Variants in DNAJC11 observed in about 807,000 individuals in gnomAD.
DNAJC11 encodes dnaJ homolog subfamily C member 11.
DNAJC11 carries 15 observed loss-of-function variants against 78.6 expected under a neutral mutation model. The ratio of observed to expected loss-of-function variants is 0.19; its 90% CI spans 0.13 to 0.29. DNAJC11 has a LOEUF of 0.29. Ranked by LOEUF, DNAJC11 falls within the 10% of genes least tolerant of loss-of-function variation. The pLI is 1.00. For synonymous variants in DNAJC11, 292 were observed against 272.1 expected (o/e 1.07, Z -0.72); for missense variants, 547 against 709.6 (o/e 0.77, Z 2.60).
intron 7 of DNAJC11, among the ~76,000 whole-genome samples, chr1:6,648,357 T>A (rs955039483): frequency 7.9e-5 from 12 of 152,206 alleles, no homozygotes; most frequent in Non-Finnish European, 1.5e-4. Flanking sequence ...GGTTTCACCA[T>A]GTTGGCCAGG....
intron 7 of DNAJC11, chr1:6,651,099 G>C (rs751609217): frequency 1.9e-6 from 1 of 535,118 alleles, no homozygotes; most frequent in Non-Finnish European, 3.8e-6. Flanking sequence ...CAGCAGCAGA[G>C]ACGACAGGAA....
chr1:6,685,780 T>A (rs1642647095), intron 1 of DNAJC11, among the ~76,000 whole-genome samples: 2 of 152,242 alleles, frequency 1.3e-5, no homozygotes, highest in Non-Finnish European at 2.9e-5. Context: ...TTCATTGGAG[T>A]AAAATCTCTT....
At chr1:6,640,693 G>T (rs931535007) in intron 10 of DNAJC11, among the ~76,000 whole-genome samples, 4 of 152,068 alleles carry the variant, frequency 2.6e-5, no homozygotes, top group Admixed American at 6.5e-5. Flanking sequence ...TTAGCCGGGC[G>T]TGGTGGTACC....
At position 6,655,629 on chromosome 1, in the gene DNAJC11, C is replaced by G. The variant is rs1642114644; in HGVS notation, c.379-1590G>C. 1.3e-5 allele frequency among the ~76,000 whole-genome samples: 2 copies of G among 151,988 alleles called. 1 individual carries two copies. The highest frequency in any genetic ancestry group is 4.2e-4 in the South Asian group (2 of 4,804). ...CCTGAGGTCAGGAGTTCGAGACCAG[C>G]CTGGCCAACGTGGTAGAAACCCTGT... On this transcript the variant is annotated intron_variant, in intron 4 of 15. Coordinates refer to ENST00000377577, the MANE Select transcript of DNAJC11 (RefSeq NM_018198.4).
At chr1:6,675,190 A>C (rs556323286) in intron 3 of DNAJC11, among the ~76,000 whole-genome samples, 2 of 152,214 alleles carry the variant, frequency 1.3e-5, no homozygotes, top group African/African-American at 4.8e-5. Context: ...ATTGGATGTT[A>C]AGCACTAATA....
chr1:6,640,123 A>G, intron 10 of DNAJC11, 66 bp from the exon 11 acceptor site: 1 of 1,484,306 alleles, frequency 6.7e-7, no homozygotes, highest in Non-Finnish European at 8.9e-7. Context: ...GGGAAGGGCA[A>G]TGGGGTGTCA....
chr1:6,668,120 G>A lies in DNAJC11; in HGVS notation c.277-310C>T, dbSNP rs182145623. The A allele has an allele frequency of 1.1e-3, 337 of 311,284 alleles. 1 individual carries two copies. Among genetic ancestry groups the A allele is most frequent in the African/African-American group, 6.5e-3 (306 of 46,740 alleles). 19.3% of individuals were successfully genotyped at this position (311,284 alleles called of 1,614,324 possible). On this transcript the variant is annotated intron_variant, in intron 3 of 15. Transcript: ENST00000377577. Reference sequence around the variant, plus strand: ...GCTGCAGAAATCTTACAAGGAAAATGTCACCTTATGAATTTCTTTCTTTTT... The same window carrying A: ...GCTGCAGAAATCTTACAAGGAAAATATCACCTTATGAATTTCTTTCTTTTT...
At chr1:6,646,104 G>GT (rs1641960953) in intron 7 of DNAJC11, 126 bp from the exon 8 acceptor site, 1 of 913,196 alleles carries the variant, frequency 1.1e-6, no homozygotes, top group Non-Finnish European at 1.6e-6. Flanking sequence ...CCAGCTCCCA[G>GT]TAAAAAAAAA....
At chr1:6,651,437 A>G in intron 7 of DNAJC11, 92 bp downstream of exon 7, 1 of 1,119,826 alleles carries the variant, frequency 8.9e-7, no homozygotes, top group Non-Finnish European at 1.3e-6. Context: ...CAGACAAGAT[A>G]GTGCCAACCA....
intron 1 of DNAJC11, among the ~76,000 whole-genome samples, chr1:6,682,637 A>G (rs1295495433): frequency 6.6e-6 from 1 of 152,232 alleles, no homozygotes; most frequent in Non-Finnish European, 1.5e-5. Context: ...CTATTCAGAA[A>G]AGAAACAAGG....
chr1:6,669,771 G>A (rs1262276411), intron 3 of DNAJC11, among the ~76,000 whole-genome samples: 1 of 151,936 alleles, frequency 6.6e-6, no homozygotes, highest in African/African-American at 2.4e-5. Context: ...AGAAACAGTG[G>A]TTACTCTTTT....
In DNAJC11 at chr1:6,674,553, C is replaced by A. The variant is rs902397980; in HGVS notation, c.276+3841G>T. Among the ~76,000 whole-genome samples the A allele has an allele frequency of 4.8e-4, 73 of 151,956 alleles. 3 individuals are homozygous for A. Among genetic ancestry groups the A allele is most frequent in the Non-Finnish European group, 5.9e-5 (4 of 68,002 alleles). On this transcript the variant is annotated intron_variant, in intron 3 of 15. Coordinates refer to ENST00000377577, the MANE Select transcript of DNAJC11 (RefSeq NM_018198.4). ...TCAGCCTGGGCAACAGAGCAAGACT[C>A]CGTCTCAAAAAATAAAAATAAAAAA...
intron 4 of DNAJC11, among the ~76,000 whole-genome samples, chr1:6,660,318 G>A (rs1049810310): frequency 2.0e-5 from 3 of 151,578 alleles, no homozygotes; most frequent in African/African-American, 4.8e-5. Flanking sequence ...CACCAAGCCC[G>A]GCTAATTTTT....
rs531554346 is a variant in DNAJC11, at chr1:6,690,280, C to G, written c.73-9243G>C. On this transcript the variant is annotated intron_variant, in intron 1 of 15. Coordinates refer to ENST00000377577, the MANE Select transcript of DNAJC11 (RefSeq NM_018198.4). ...AAAGCCTTCCTTATTAATGGCTATG[C>G]TCATGACACTAATAGAAATACACGG... Among the ~76,000 whole-genome samples, 4 of 152,292 alleles carry G rather than the reference C, an allele frequency of 2.6e-5. No individual in the cohort carries two copies. The South Asian group carries it at 8.3e-4, about 32-fold the overall frequency.
intron 15 of DNAJC11, 126 bp from the exon 16 acceptor site, chr1:6,635,826 T>C: frequency 1.7e-6 from 2 of 1,208,516 alleles, no homozygotes; most frequent in Non-Finnish European, 2.4e-6. Flanking sequence ...GAGCACCCGC[T>C]GCTGAAAATC....
intron 11 of DNAJC11, 142 bp from the exon 12 acceptor site, chr1:6,638,506 TC>T: frequency 1.5e-6 from 1 of 663,784 alleles, no homozygotes; most frequent in Non-Finnish European, 2.3e-6. Context: ...TAAAAAATAT[TC>T]CCACGACAGT....
Position 6,634,278 on chromosome 1 carries a change from C to A in DNAJC11, c.*1397G>T, listed in dbSNP as rs925567707. 9.2e-6 allele frequency: 8 copies of A among 872,270 alleles called. No homozygotes were observed. The highest frequency in any genetic ancestry group is 7.1e-4 in the Middle Eastern group (2 of 2,810). The allele number at this position is 872,270 out of a possible 1,614,324, so 54.0% of individuals were successfully genotyped here. ...ACCTGCGGCAGAGGCGCACGGGAAG[C>A]CCGGGGCCCAGGCTCATGCAACACG... is the stretch of plus-strand genomic sequence containing the variant. On this transcript the variant is annotated 3_prime_UTR_variant, in exon 16 of 16. Coordinates refer to ENST00000377577, the MANE Select transcript of DNAJC11 (RefSeq NM_018198.4).
intron 3 of DNAJC11, among the ~76,000 whole-genome samples, chr1:6,678,172 C>T (rs1461892695): frequency 1.3e-5 from 2 of 152,102 alleles, no homozygotes; most frequent in Admixed American, 1.3e-4. Context: ...GGTTAGGGAA[C>T]GAAGGACAAG....
chr1:6,658,832 C>T lies in DNAJC11; in HGVS notation c.379-4793G>A, dbSNP rs1482280736. Among the ~76,000 whole-genome samples, 6 of 152,308 alleles carry T rather than the reference C, an allele frequency of 3.9e-5. No homozygotes were observed. In the East Asian group the frequency reaches 1.2e-3, roughly 29 times the overall value. Reference sequence around the variant, plus strand: ...ACCATATGACATCAATACTCACAGGCCAACTGCTGCCCCCCTGGCCAGCAG... The same window carrying T: ...ACCATATGACATCAATACTCACAGGTCAACTGCTGCCCCCCTGGCCAGCAG... On this transcript the variant is annotated intron_variant, in intron 4 of 15. Transcript: ENST00000377577.
Sources: gnomAD v4.1 joint callset for allele counts (sites outside exome capture counted in the v4.1 genomes callset) on GRCh38, gnomAD v4.1.1 for gene constraint, MANE v1.5 for transcripts, NCBI Gene and HGNC (gene_info 2026-07-23, HGNC 2026-07-21) for gene names.